The following HEMK2 variants were observed in gnomAD, a reference collection of about 807,000 sequenced individuals.
HEMK2 encodes methyltransferase HEMK2.
chr21:28,615,400 GTCTC>G, the HEMK2 span, among the ~76,000 whole-genome samples: 4 of 143,398 alleles, frequency 2.8e-5, no homozygotes, highest in East Asian at 8.1e-4. Context: ...CTCTGTCGCT[GTCTC>G]TCTCTCTCTC....
At chr21:28,732,976 C>A in the HEMK2 span, among the ~76,000 whole-genome samples, 1 of 152,048 alleles carries the variant, frequency 6.6e-6, no homozygotes, top group East Asian at 1.9e-4. Flanking sequence ...CATCACGTCT[C>A]CCAAACAAAA....
At chr21:28,590,532 C>A in the HEMK2 span, among the ~76,000 whole-genome samples, 5 of 152,122 alleles carry the variant, frequency 3.3e-5, no homozygotes, top group African/African-American at 1.2e-4. Context: ...ATGAAACAAG[C>A]AAAGTTCTAT....
the HEMK2 span, among the ~76,000 whole-genome samples, chr21:28,810,789 G>T: frequency 0.11 from 16,921 of 152,046 alleles, 2,352 homozygotes; most frequent in African/African-American, 0.32. Context: ...CTTCAGAGGC[G>T]CAGTTCAGTC....
the HEMK2 span, among the ~76,000 whole-genome samples, chr21:28,800,357 A>G: frequency 1.3e-5 from 2 of 152,034 alleles, no homozygotes; most frequent in Admixed American, 6.6e-5. Context: ...CTTTAATGTA[A>G]TCTTTTTTTT....
At chr21:28,738,052 C>G in the HEMK2 span, among the ~76,000 whole-genome samples, 7 of 152,208 alleles carry the variant, frequency 4.6e-5, no homozygotes, top group Non-Finnish European at 7.3e-5. Flanking sequence ...CTTCCAACAA[C>G]AGTTAGATAA....
the HEMK2 span, among the ~76,000 whole-genome samples, chr21:28,636,615 G>A: frequency 6.6e-6 from 1 of 152,074 alleles, no homozygotes; most frequent in African/African-American, 2.4e-5. Flanking sequence ...AGTGAAACCT[G>A]CCCAAGTTCA....
At chr21:28,633,768 G>A in the HEMK2 span, among the ~76,000 whole-genome samples, 1 of 152,150 alleles carries the variant, frequency 6.6e-6, no homozygotes, top group Non-Finnish European at 1.5e-5. Flanking sequence ...ATAGTTCTCT[G>A]AGCCATTGCA....
At chr21:28,782,422 C>A in the HEMK2 span, among the ~76,000 whole-genome samples, 1,164 of 152,260 alleles carry the variant, frequency 7.6e-3, 14 homozygotes, top group African/African-American at 0.027. Context: ...TAGCTAAATG[C>A]AATAAATCCA....
At chr21:28,741,783 T>C in the HEMK2 span, among the ~76,000 whole-genome samples, 156 of 152,344 alleles carry the variant, frequency 1.0e-3, 1 homozygote, top group Middle Eastern at 0.017. Flanking sequence ...GTACCACATT[T>C]TCTATATCCA....
the HEMK2 span, among the ~76,000 whole-genome samples, chr21:28,580,516 A>G: frequency 6.7e-6 from 1 of 150,040 alleles, no homozygotes; most frequent in Non-Finnish European, 1.5e-5. Flanking sequence ...CATCTCAGCC[A>G]TTTTTACCAA....
chr21:28,849,488 T>TCTGCACTAGCACTAGTCTGCA, the HEMK2 span, among the ~76,000 whole-genome samples: 2 of 152,296 alleles, frequency 1.3e-5, no homozygotes, highest in Non-Finnish European at 2.9e-5. Flanking sequence ...CCTCCAAATG[T>TCTGCACTAGCACTAGTCTGCA]CTGCACTAGT....
chr21:28,764,384 AG>A, the HEMK2 span, among the ~76,000 whole-genome samples: 1 of 152,138 alleles, frequency 6.6e-6, no homozygotes. Flanking sequence ...AGAGAATTTG[AG>A]GAAGAAATAT....
the HEMK2 span, among the ~76,000 whole-genome samples, chr21:28,643,523 A>G: frequency 1.3e-5 from 2 of 152,244 alleles, no homozygotes; most frequent in East Asian, 3.9e-4. Context: ...AGAGAAAAAA[A>G]TTAAAAATTA....
chr21:28,841,772 T>C, the HEMK2 span, among the ~76,000 whole-genome samples: 1 of 151,816 alleles, frequency 6.6e-6, no homozygotes, highest in Admixed American at 6.6e-5. Flanking sequence ...AACTTACTCA[T>C]GTAACCAAAT....
the HEMK2 span, among the ~76,000 whole-genome samples, chr21:28,683,843 A>C: frequency 6.6e-6 from 1 of 152,234 alleles, no homozygotes; most frequent in African/African-American, 2.4e-5. Flanking sequence ...GAGCAATTGC[A>C]CACAGACAGC....
chr21:28,598,089 C>T, the HEMK2 span, among the ~76,000 whole-genome samples: 1 of 152,152 alleles, frequency 6.6e-6, no homozygotes, highest in Non-Finnish European at 1.5e-5. Flanking sequence ...AATGCTAACT[C>T]ACAGGTGTGC....
the HEMK2 span, among the ~76,000 whole-genome samples, chr21:28,650,804 A>C: frequency 1.3e-5 from 2 of 152,202 alleles, no homozygotes; most frequent in African/African-American, 4.8e-5. Flanking sequence ...GGGGTGAATG[A>C]TGTTAACTCA....
chr21:28,726,263 T>C, the HEMK2 span, among the ~76,000 whole-genome samples: 7 of 152,170 alleles, frequency 4.6e-5, no homozygotes, highest in Admixed American at 3.3e-4. Context: ...CCATACTATG[T>C]TTTACTTAGT....
At chr21:28,585,695 G>A in the HEMK2 span, among the ~76,000 whole-genome samples, 1,356 of 152,154 alleles carry the variant, frequency 8.9e-3, 9 homozygotes, top group Non-Finnish European at 0.013. Flanking sequence ...ATGAGAGAAA[G>A]GTTAACAGAC....
Sources: allele counts gnomAD v4.1 joint callset (sites outside exome capture counted in the v4.1 genomes callset), GRCh38; gene constraint gnomAD v4.1.1; transcripts MANE v1.5; gene names NCBI Gene and HGNC (gene_info 2026-07-23, HGNC 2026-07-21).